The following PRKG2 variants were observed in gnomAD, a reference collection of about 807,000 sequenced individuals.
PRKG2 encodes the protein protein kinase cGMP-dependent 2, also known as cGMP-dependent protein kinase 2.
In PRKG2, 33 loss-of-function variants were observed where a neutral mutation model predicts 97.2. The observed-to-expected ratio is 0.34, with a 90% CI of 0.26 to 0.45. The LOEUF (loss-of-function observed/expected upper bound fraction) is 0.45. PRKG2 is among the 20% of genes least tolerant of loss of function. The pLI is 1.00. For synonymous variants in PRKG2, 330 were observed against 321.8 expected (o/e 1.03, Z -0.27); for missense variants, 638 against 900.0 (o/e 0.71, Z 3.73).
chr4:81,177,446 C>A (rs565720004), intron 2 of PRKG2, among the ~76,000 whole-genome samples: 13 of 152,270 alleles, frequency 8.5e-5, no homozygotes, highest in Non-Finnish European at 1.6e-4. Flanking sequence ...TGGCTCACGC[C>A]TGTAATCCCA....
intron 6 of PRKG2, 87 bp from the exon 7 acceptor site, chr4:81,153,808 G>C: frequency 2.2e-6 from 2 of 915,722 alleles, no homozygotes; most frequent in African/African-American, 1.7e-5. Flanking sequence ...AGCTCCCAGC[G>C]TGAGCGGCGC....
intron 6 of PRKG2, among the ~76,000 whole-genome samples, chr4:81,163,100 C>A (rs572717373): frequency 6.6e-6 from 1 of 152,124 alleles, no homozygotes; most frequent in Non-Finnish European, 1.5e-5. Context: ...TTTTTCTCCA[C>A]GGATGATTCT....
rs1185390240 is a variant in PRKG2 at position 81,142,797 on chromosome 4, C to G, written c.1404G>C (p.Glu468Asp). Residue 468 changes from glutamate to aspartate, a missense_variant, in exon 11 of 19, where the codon GAG becomes GAC. Glu to Asp is a conservative substitution (Grantham distance 45). This residue lies in a region of PRKG2 where 304 missense variants were observed against 460.5 expected (regional missense o/e 0.66). Coordinates refer to ENST00000264399, the MANE Select transcript of PRKG2 (RefSeq NM_006259.3). Reference sequence around the variant, plus strand: ...GCTTGAAACGTAAACCCCTTACAAGCTCAACTCTTCCGAACCCACCAACGC... The same window carrying G: ...GCTTGAAACGTAAACCCCTTACAAGGTCAACTCTTCCGAACCCACCAACGC... ...TLGVGGFGRVELVKVKNENVA... is the reference protein window; with the variant it reads ...TLGVGGFGRVDLVKVKNENVA... 6.3e-7 allele frequency: 1 copy of G among 1,579,644 alleles called. No homozygotes were observed. The highest frequency in any genetic ancestry group is 8.6e-7 in the Non-Finnish European group (1 of 1,158,210).
At chr4:81,141,370 T>C (rs1747271013) in intron 11 of PRKG2, among the ~76,000 whole-genome samples, 1 of 152,110 alleles carries the variant, frequency 6.6e-6, no homozygotes, top group Non-Finnish European at 1.5e-5. Context: ...GTTATGTAAA[T>C]TTAAATTAAA....
chr4:81,093,406 A>ACAC lies in PRKG2; in HGVS notation c.2127-955_2127-954insGTG, dbSNP rs1560528537. Reference sequence around the variant, plus strand: ...ACACACACACACACACACACACACAAGCTTCTTATCCTCCTTCCCTACTTT... The same window carrying ACAC: ...ACACACACACACACACACACACACAACACGCTTCTTATCCTCCTTCCCTACTTT... On this transcript the variant is annotated intron_variant, in intron 17 of 18. Transcript: ENST00000264399. 5.6e-3 allele frequency among the ~76,000 whole-genome samples: 673 copies of ACAC among 120,188 alleles called. 13 individuals are homozygous for ACAC. Among genetic ancestry groups the ACAC allele is most frequent in the African/African-American group, 0.022 (625 of 28,210 alleles). 78.8% of individuals were successfully genotyped at this position (120,188 alleles called of 152,430 possible). A position where few individuals can be genotyped will look rare whatever the true frequency, so the allele number is the denominator to read the frequency against.
rs1467576675 is a variant in PRKG2, at chr4:81,174,841, A to G, written c.580T>C (p.Tyr194His). The change falls in exon 3 of 19, where the codon TAC becomes CAC. Residue 194 changes from tyrosine to histidine, a missense_variant. Tyr to His is a moderately conservative substitution (Grantham distance 83, BLOSUM62 2). Coordinates refer to ENST00000264399, the MANE Select transcript of PRKG2 (RefSeq NM_006259.3). ...MYGRNYQQGS[Y>H]IIKQGEPGNH... ...CCTGGTTCTCCTTGCTTAATAATGT[A>G]ACTCCCTTGCTGATAGTTTCTCCCA... is the stretch of plus-strand genomic sequence containing the variant. 6.2e-7 allele frequency: 1 copy of G among 1,613,240 alleles called. No individual in the cohort carries two copies. Among genetic ancestry groups the G allele is most frequent in the Non-Finnish European group, 8.5e-7 (1 of 1,179,460 alleles).
rs149175397 is a variant in PRKG2, at chr4:81,137,446, G to A, written c.1581C>T (p.Tyr527=). The change falls in exon 13 of 19, where the codon TAC becomes TAT. Residue 527 remains tyrosine, a synonymous_variant. Transcript: ENST00000264399. ...CACCTAAGCAGGCCTCCAGAAGCATGTATACATACTTATTGTCCTTGAAAG... is the reference window on the plus strand; with the variant it reads ...CACCTAAGCAGGCCTCCAGAAGCATATATACATACTTATTGTCCTTGAAAG... ...YRTFKDNKYV[Y]MLLEACLGGE... is the part of the protein sequence containing the mutation. 111 of 1,612,430 alleles carry A rather than the reference G, an allele frequency of 6.9e-5. No homozygotes were observed. In the African/African-American group the frequency reaches 1.2e-3, roughly 17 times the overall value.
At chr4:81,159,083 T>C (rs1290382697) in intron 6 of PRKG2, among the ~76,000 whole-genome samples, 1 of 152,086 alleles carries the variant, frequency 6.6e-6, no homozygotes, top group Non-Finnish European at 1.5e-5. Context: ...CCAAAAGCAA[T>C]GGCAACAAAA....
chr4:81,144,484 A>G (rs1007451674), intron 9 of PRKG2, among the ~76,000 whole-genome samples, 154 bp from the exon 10 acceptor site: 6 of 152,040 alleles, frequency 3.9e-5, no homozygotes, highest in Non-Finnish European at 5.9e-5. Flanking sequence ...TGTAATATGT[A>G]CAAGGGTTAT....
chr4:81,215,914 G>T (rs1257755471), upstream of PRKG2, among the ~76,000 whole-genome samples: 1 of 151,818 alleles, frequency 6.6e-6, no homozygotes, highest in East Asian at 1.9e-4. Context: ...GTGCAATATG[G>T]TTTCCTAAAT....
chr4:81,163,899 CACA>C (rs1749774041), intron 6 of PRKG2, among the ~76,000 whole-genome samples: 7 of 146,882 alleles, frequency 4.8e-5, no homozygotes, highest in Admixed American at 4.7e-4. Context: ...CACACACACA[CACA>C]CCTCTGTGCA....
At chr4:81,155,988 A>G (rs1397558493) in intron 6 of PRKG2, among the ~76,000 whole-genome samples, 1 of 152,180 alleles carries the variant, frequency 6.6e-6, no homozygotes, top group Non-Finnish European at 1.5e-5. Context: ...CCAAAATGTA[A>G]AGACCATCGA....
intron 2 of PRKG2, among the ~76,000 whole-genome samples, chr4:81,187,120 T>C (rs1751951111): frequency 6.6e-6 from 1 of 152,200 alleles, no homozygotes; most frequent in African/African-American, 2.4e-5. Flanking sequence ...CCCTAACTCA[T>C]TTTATGAGGC....
Position 81,125,727 on chromosome 4 carries a change from C to G in PRKG2, c.1776+9428G>C, listed in dbSNP as rs539148645. Among the ~76,000 whole-genome samples the G allele has an allele frequency of 2.6e-5, 4 of 152,234 alleles. No individual in the cohort carries two copies. In the East Asian group the frequency reaches 7.7e-4, roughly 29 times the overall value. ...AATGGTTTACAAATTTCTTTTTCTA[C>G]TAGAAATGTAGGGGAACAGCCTCAC... On this transcript the variant is annotated intron_variant, in intron 14 of 18. Transcript: ENST00000264399.
rs754590954 is a variant in PRKG2, at chr4:81,205,005, C to A, written c.43G>T (p.Asp15Tyr). Residue 15 changes from aspartate to tyrosine, a missense_variant, in exon 2 of 19, where the codon GAT becomes TAT. By Grantham distance (160) the Asp-to-Tyr change is radical (BLOSUM62 -3). This residue lies in a region of PRKG2 where 332 missense variants were observed against 421.7 expected (regional missense o/e 0.79). Coordinates refer to ENST00000264399, the MANE Select transcript of PRKG2 (RefSeq NM_006259.3). The part of the protein sequence containing the change: ...SVKPKHSKHP[D>Y]GHSGNLTTDA... ...GTGGTGAGGTTCCCAGAGTGTCCAT[C>A]TGGGTGCTTAGAATGTTTAGGTTTC... The A allele has an allele frequency of 6.2e-7, 1 of 1,613,392 alleles. No homozygotes were observed. Among genetic ancestry groups the A allele is most frequent in the Non-Finnish European group, 8.5e-7 (1 of 1,179,750 alleles).
At chr4:81,118,525 A>G (rs968730283) in intron 14 of PRKG2, among the ~76,000 whole-genome samples, 2 of 152,104 alleles carry the variant, frequency 1.3e-5, no homozygotes, top group Non-Finnish European at 2.9e-5. Context: ...CATTGCTTTG[A>G]TTTGCAATTC....
chr4:81,092,833 G>T (rs34281791), intron 17 of PRKG2, among the ~76,000 whole-genome samples: 28,329 of 152,020 alleles, frequency 0.19, 5,048 homozygotes, highest in African/African-American at 0.47. Flanking sequence ...TCCTATCTGA[G>T]TCCATGATCA....
intron 6 of PRKG2, chr4:81,154,281 G>A (rs570263051): frequency 2.5e-4 from 39 of 154,438 alleles, no homozygotes; most frequent in African/African-American, 8.9e-4. Context: ...GCTCAAGGAG[G>A]CCTGCCTGCC....
chr4:81,140,439 C>CA (rs2110037230), intron 12 of PRKG2, 94 bp downstream of exon 12: 1 of 1,173,914 alleles, frequency 8.5e-7, no homozygotes, highest in East Asian at 2.8e-5. Context: ...TATGTACCCA[C>CA]AAAAATTAAA....
Sources: allele counts gnomAD v4.1 joint callset (sites outside exome capture counted in the v4.1 genomes callset), GRCh38; gene constraint gnomAD v4.1.1; regional missense constraint gnomAD v4.1.1; transcripts MANE v1.5; gene names NCBI Gene and HGNC (gene_info 2026-07-23, HGNC 2026-07-21).